The following EZR variants were observed in gnomAD, a reference collection of about 807,000 sequenced individuals.
EZR encodes the protein ezrin.
In EZR, 40 loss-of-function variants were observed where a neutral mutation model predicts 74.8. That is an observed-to-expected ratio of 0.53 (90% CI 0.42 to 0.70). The LOEUF is 0.70. EZR is among the 30% of genes least tolerant of loss of function. EZR has a pLI of 0.00. For missense variants in EZR, 678 were observed against 755.8 expected (o/e 0.90, Z 1.21); for synonymous variants, 341 against 283.3 (o/e 1.20, Z -2.05).
intron 3 of EZR, chr6:158,788,294 A>G (rs1791636786): frequency 6.6e-6 from 1 of 152,216 alleles, no homozygotes; most frequent in African/African-American, 2.4e-5. Context: ...AAGTCTGTTT[A>G]TTAAATGCCC....
chr6:158,782,465 G>C (rs1247915732), intron 7 of EZR, among the ~76,000 whole-genome samples: 1 of 152,188 alleles, frequency 6.6e-6, no homozygotes, highest in African/African-American at 2.4e-5. Context: ...AATGGGGAGA[G>C]CTGTCATTTC....
rs1234177540 is a variant in EZR at position 158,784,635 on chromosome 6, A to G, written c.551+9T>C. The G allele has an allele frequency of 6.2e-7, 1 of 1,612,968 alleles. No individual in the cohort carries two copies. The highest frequency in any genetic ancestry group is 8.5e-7 in the Non-Finnish European group (1 of 1,178,950). ...TGGCAAGATCCCAACAGCAGGGCAC[A>G]GCACTCACTTGAGCATCCCACGGTG... On this transcript the variant is annotated intron_variant, in intron 6 of 13. Transcript: ENST00000367075.
At chr6:158,773,538 A>C (rs1791183009) in intron 8 of EZR, among the ~76,000 whole-genome samples, 1 of 152,230 alleles carries the variant, frequency 6.6e-6, no homozygotes, top group African/African-American at 2.4e-5. Context: ...GTAAAAATGC[A>C]AACCAGGCAC....
rs568504355 is a variant in EZR at position 158,780,341 on chromosome 6, A to G, written c.698+3179T>C. Among the ~76,000 whole-genome samples the G allele has an allele frequency of 5.3e-5, 8 of 152,338 alleles. No homozygotes were observed. In the South Asian group the frequency reaches 8.3e-4, roughly 16 times the overall value. ...TAAGATTACATTTCATTGTATTTAA[A>G]TTTTACATCAAAAGAACAAAACATA... On this transcript the variant is annotated intron_variant, in intron 7 of 13. Transcript: ENST00000367075.
chr6:158,803,654 C>CAT (rs1210698377), intron 2 of EZR, among the ~76,000 whole-genome samples: 82 of 29,800 alleles, frequency 2.8e-3, no homozygotes, highest in Non-Finnish European at 4.9e-3. Context: ...TATATATATA[C>CAT]ATATATATAT....
At chr6:158,807,961 T>G (rs1224720076) in intron 2 of EZR, among the ~76,000 whole-genome samples, 2 of 152,250 alleles carry the variant, frequency 1.3e-5, no homozygotes, top group Non-Finnish European at 2.9e-5. Flanking sequence ...CACCATTCAC[T>G]GGATGTGACT....
At chr6:158,810,216 G>T (rs1777424843) in intron 2 of EZR, among the ~76,000 whole-genome samples, 2 of 152,134 alleles carry the variant, frequency 1.3e-5, no homozygotes, top group Admixed American at 1.3e-4. Flanking sequence ...AGATTAAAAG[G>T]ATAACTTAAT....
intron 2 of EZR, among the ~76,000 whole-genome samples, chr6:158,804,001 G>A (rs1012758885): frequency 9.9e-5 from 15 of 152,140 alleles, no homozygotes; most frequent in Non-Finnish European, 5.9e-5. Flanking sequence ...CTGGGAGGCA[G>A]AAAGGAGCTG....
At chr6:158,813,287 C>T (rs1777486311) in intron 2 of EZR, among the ~76,000 whole-genome samples, 1 of 152,332 alleles carries the variant, frequency 6.6e-6, no homozygotes, top group South Asian at 2.1e-4. Flanking sequence ...CCCACCAGCA[C>T]ATACACACTT....
intron 12 of EZR, 21 bp downstream of exon 12, chr6:158,769,305 G>A (rs777106362): frequency 2.1e-5 from 33 of 1,603,562 alleles, no homozygotes; most frequent in South Asian, 5.5e-5. Flanking sequence ...CCGTGCGGAG[G>A]TGTCCCCCGT....
chr6:158,769,574 C>A (rs942909398), intron 11 of EZR, among the ~76,000 whole-genome samples, 156 bp from the exon 12 acceptor site: 8 of 152,178 alleles, frequency 5.3e-5, no homozygotes, highest in Non-Finnish European at 8.8e-5. Context: ...ATTGTGCACC[C>A]CCGGCATCTC....
At chr6:158,790,441 G>A (rs1017617802) in intron 2 of EZR, among the ~76,000 whole-genome samples, 12 of 152,212 alleles carry the variant, frequency 7.9e-5, no homozygotes, top group African/African-American at 2.2e-4. Context: ...TCGGGAGGCC[G>A]AGGCAGGTGG....
In EZR at chr6:158,771,225, T is replaced by C. The variant is rs1285819092; in HGVS notation, c.959+19A>G. 5 of 1,595,174 alleles carry C rather than the reference T, an allele frequency of 3.1e-6. No individual in the cohort carries two copies. The highest frequency in any genetic ancestry group is 3.4e-6 in the Non-Finnish European group (4 of 1,170,958). On this transcript the variant is annotated intron_variant, in intron 9 of 13. Coordinates refer to ENST00000367075, the MANE Select transcript of EZR (RefSeq NM_001111077.2). ...TTGGGAGAACACAGGCCCCCCCCAC[T>C]CTGGCCTCACGCGCTCACCGCTCCA... is the stretch of plus-strand genomic sequence containing the variant.
chr6:158,786,972 CT>C, intron 4 of EZR, 135 bp downstream of exon 4: 1 of 661,380 alleles, frequency 1.5e-6, no homozygotes. Context: ...AACCTGCAAC[CT>C]TTTTGTCTGT....
At chr6:158,813,419 G>A (rs1441302441) in intron 2 of EZR, among the ~76,000 whole-genome samples, 4 of 152,232 alleles carry the variant, frequency 2.6e-5, no homozygotes, top group Non-Finnish European at 5.9e-5. Context: ...GACAGGGACT[G>A]TGTCTGTGAA....
chr6:158,790,733 G>T (rs1269771249), intron 2 of EZR, among the ~76,000 whole-genome samples: 1 of 151,910 alleles, frequency 6.6e-6, no homozygotes, highest in East Asian at 1.9e-4. Context: ...CTTACATCAA[G>T]GCAGTTTTCA....
Position 158,783,539 on chromosome 6 carries a change from T to TA in EZR, c.678dup (p.Ile227TyrfsTer3). On this transcript the variant is annotated frameshift_variant, in exon 7 of 14. Coordinates refer to ENST00000367075, the MANE Select transcript of EZR (RefSeq NM_001111077.2). LOFTEE classifies it high-confidence loss of function. Reference sequence around the variant, plus strand: ...ACTCACTTATCATCTTTCTCATAAATATTCAGTCCAAGGGCATCAACTCCA... The same window carrying TA: ...ACTCACTTATCATCTTTCTCATAAATAATTCAGTCCAAGGGCATCAACTCCA... 6.2e-7 allele frequency: 1 copy of TA among 1,612,794 alleles called. No individual in the cohort carries two copies. Among genetic ancestry groups the TA allele is most frequent in the East Asian group, 2.2e-5 (1 of 44,870 alleles).
At position 158,803,628 on chromosome 6, in the gene EZR, T is replaced by C. The variant is rs973952450; in HGVS notation, c.13-14257A>G. On this transcript the variant is annotated intron_variant, in intron 2 of 13. Transcript: ENST00000367075. ...ATACATATATATATATATATATACA[T>C]ATACATACATATATATATATATATA... Among the ~76,000 whole-genome samples, 22 of 25,188 alleles carry C rather than the reference T, an allele frequency of 8.7e-4. 1 individual carries two copies. The highest frequency in any genetic ancestry group is 1.1e-3 in the Non-Finnish European group (12 of 11,394). 16.5% of individuals were successfully genotyped at this position (25,188 alleles called of 152,430 possible).
chr6:158,818,782 G>A (rs1187812080), intron 1 of EZR, among the ~76,000 whole-genome samples: 1 of 148,320 alleles, frequency 6.7e-6, no homozygotes, highest in Non-Finnish European at 1.5e-5. Context: ...AGGAGTCCCG[G>A]GACAGCCAGC....
Sources: gnomAD v4.1 joint callset for allele counts (sites outside exome capture counted in the v4.1 genomes callset) on GRCh38, gnomAD v4.1.1 for gene constraint, MANE v1.5 for transcripts, NCBI Gene and HGNC (gene_info 2026-07-23, HGNC 2026-07-21) for gene names.